INTS14: variants seen among roughly 807,000 people sequenced by gnomAD.
INTS14 encodes the protein UPF0464 protein C15orf44.
A neutral mutation model predicts 56.9 loss-of-function variants in INTS14; 27 were observed. That is an observed-to-expected ratio of 0.47 (90% CI 0.35 to 0.65). INTS14 has a LOEUF of 0.65. INTS14 is among the 30% of genes least tolerant of loss of function. The pLI is 0.00. For missense variants in INTS14, 517 were observed against 632.2 expected (o/e 0.82, Z 1.95); for synonymous variants, 207 against 236.2 (o/e 0.88, Z 1.13).
chr15:65,603,100 A>G (rs2073501465), intron 3 of INTS14, among the ~76,000 whole-genome samples: 1 of 152,236 alleles, frequency 6.6e-6, no homozygotes, highest in Non-Finnish European at 1.5e-5. Context: ...AGGAAATAAG[A>G]CATCCTATAT....
At position 65,607,161 on chromosome 15, in the gene INTS14, G is replaced by A; in HGVS notation, c.220C>T (p.Gln74Ter). 1 of 1,613,982 alleles carries A rather than the reference G, an allele frequency of 6.2e-7. No individual in the cohort carries two copies. The highest frequency in any genetic ancestry group is 8.5e-7 in the Non-Finnish European group (1 of 1,179,902). The change falls in exon 2 of 12, where the codon CAG (glutamine) becomes TAG (stop). Residue 74 changes from glutamine to a stop codon, truncating the protein, a stop_gained and splice_region_variant. Coordinates refer to ENST00000313182, the MANE Select transcript of INTS14 (RefSeq NM_001394796.1). LOFTEE classifies it high-confidence loss of function. ...VPFTRDYNTL[Q>*]EALSNMDDYD... ...CAATAACTTACTACATTTTGTACCTGTAGGGTATTATAATCTCTCGTGAAG... is the reference window on the plus strand; with the variant it reads ...CAATAACTTACTACATTTTGTACCTATAGGGTATTATAATCTCTCGTGAAG...
chr15:65,581,101 C>T (rs772290224), intron 11 of INTS14, among the ~76,000 whole-genome samples: 3 of 151,932 alleles, frequency 2.0e-5, no homozygotes, highest in African/African-American at 7.3e-5. Context: ...AAAATTAGGC[C>T]GGGAACGGTG....
At chr15:65,580,825 C>G (rs1021228155) in intron 11 of INTS14, among the ~76,000 whole-genome samples, 1 of 152,236 alleles carries the variant, frequency 6.6e-6, no homozygotes, top group Non-Finnish European at 1.5e-5. Context: ...CTCTACCCCA[C>G]CCCCTGTAAC....
intron 3 of INTS14, among the ~76,000 whole-genome samples, chr15:65,601,592 C>T (rs1037568136): frequency 7.9e-5 from 12 of 152,274 alleles, no homozygotes; most frequent in African/African-American, 2.4e-4. Flanking sequence ...CCGTCAGCCT[C>T]GGCCTCCCAA....
At chr15:65,596,908 G>A (rs1264383353) in intron 6 of INTS14, among the ~76,000 whole-genome samples, 1 of 152,142 alleles carries the variant, frequency 6.6e-6, no homozygotes, top group Non-Finnish European at 1.5e-5. Context: ...GAGATTTGCT[G>A]TCCATACCTC....
chr15:65,581,136 T>C (rs897404151), intron 11 of INTS14, among the ~76,000 whole-genome samples: 1 of 152,072 alleles, frequency 6.6e-6, no homozygotes, highest in Admixed American at 6.5e-5. Context: ...TCCCAGCACT[T>C]TGGGAGGCCG....
At chr15:65,588,495 C>G (rs2072908846) in intron 9 of INTS14, among the ~76,000 whole-genome samples, 1 of 151,644 alleles carries the variant, frequency 6.6e-6, no homozygotes, top group African/African-American at 2.4e-5. Flanking sequence ...TGATGAAACC[C>G]TATCTCTACT....
intron 2 of INTS14, 93 bp from the exon 3 acceptor site, chr15:65,605,329 C>G: frequency 3.3e-6 from 3 of 919,018 alleles, no homozygotes; most frequent in Non-Finnish European, 5.2e-6. Flanking sequence ...GAATGTTACA[C>G]AGGGGACACT....
chr15:65,605,360 A>G, intron 2 of INTS14, 124 bp from the exon 3 acceptor site: 1 of 674,198 alleles, frequency 1.5e-6, no homozygotes, highest in Non-Finnish European at 2.5e-6. Flanking sequence ...AGAGCACCAA[A>G]GCATAGCTTC....
At chr15:65,586,239 T>C (rs1388378497) in intron 9 of INTS14, among the ~76,000 whole-genome samples, 2 of 152,230 alleles carry the variant, frequency 1.3e-5, no homozygotes, top group African/African-American at 4.8e-5. Flanking sequence ...ATACTTTACA[T>C]ATTCAACTTC....
At chr15:65,610,568 C>T in intron 1 of INTS14, 1 of 1,177,104 alleles carries the variant, frequency 8.5e-7, no homozygotes, top group Non-Finnish European at 1.2e-6. Context: ...ACCAAGTGTC[C>T]ATCAGCTAGA....
chr15:65,590,329 T>C (rs1257063722), intron 9 of INTS14, among the ~76,000 whole-genome samples: 1 of 152,242 alleles, frequency 6.6e-6, no homozygotes, highest in Non-Finnish European at 1.5e-5. Flanking sequence ...TCCTAACTGG[T>C]ATCCCCCTGT....
In INTS14 at chr15:65,602,348, C is replaced by T. The variant is rs143499974; in HGVS notation, c.331-2419G>A. Among the ~76,000 whole-genome samples, 866 of 150,068 alleles carry T rather than the reference C, an allele frequency of 5.8e-3. 12 individuals carry two copies. Among genetic ancestry groups the T allele is most frequent in the African/African-American group, 0.02 (829 of 40,594 alleles). The stretch of plus-strand genomic sequence containing the variant: ...TTGCCCAGACTGGAGTGCAGTGGCA[C>T]GTTCTCGGCTCACTACAAAATCCAC... On this transcript the variant is annotated intron_variant, in intron 3 of 11. Transcript: ENST00000313182.
intron 3 of INTS14, among the ~76,000 whole-genome samples, chr15:65,603,499 C>T (rs1040472238): frequency 3.9e-5 from 6 of 152,074 alleles, no homozygotes; most frequent in Non-Finnish European, 7.4e-5. Flanking sequence ...TTTTTTAAGA[C>T]AGGGCCTCAC....
In INTS14 at chr15:65,604,730, C is replaced by CAAAAAA. The variant is rs1040822777; in HGVS notation, c.330+393_330+398dup. 4.8e-5 allele frequency among the ~76,000 whole-genome samples: 3 copies of CAAAAAA among 62,538 alleles called. No homozygotes were observed. The South Asian group carries it at 1.7e-3, about 36-fold the overall frequency. The allele number at this position is 62,538 out of a possible 152,430, so 41.0% of individuals were successfully genotyped here. ...GGGCAACAAAGTGAGACCCTGTCTC[C>CAAAAAA]AAAAAAAAAAAAAAAAAAAAGTCTG... On this transcript the variant is annotated intron_variant, in intron 3 of 11. Transcript: ENST00000313182.
chr15:65,600,457 T>C (rs1822498331), intron 3 of INTS14, among the ~76,000 whole-genome samples: 1 of 151,802 alleles, frequency 6.6e-6, no homozygotes, highest in Non-Finnish European at 1.5e-5. Context: ...GGTGAAACCC[T>C]GCCTCTACAA....
intron 6 of INTS14, 66 bp downstream of exon 6, chr15:65,598,255 A>G: frequency 2.0e-6 from 3 of 1,491,568 alleles, no homozygotes; most frequent in Non-Finnish European, 2.8e-6. Flanking sequence ...AGAGAGTAAA[A>G]GTCACAAGTC....
At chr15:65,585,022 C>T in intron 9 of INTS14, 134 bp from the exon 10 acceptor site, 1 of 759,350 alleles carries the variant, frequency 1.3e-6, no homozygotes, top group South Asian at 2.4e-5. Context: ...AATCCATTAA[C>T]TTCAGTCAGG....
At chr15:65,605,651 T>A (rs1278620611) in intron 2 of INTS14, among the ~76,000 whole-genome samples, 1 of 152,194 alleles carries the variant, frequency 6.6e-6, no homozygotes, top group African/African-American at 2.4e-5. Flanking sequence ...AACCCTATCT[T>A]TAAATGAAGT....
Sources: allele counts gnomAD v4.1 joint callset (sites outside exome capture counted in the v4.1 genomes callset), GRCh38; gene constraint gnomAD v4.1.1; transcripts MANE v1.5; gene names NCBI Gene and HGNC (gene_info 2026-07-23, HGNC 2026-07-21).